Variants in HELZ observed in about 807,000 individuals in gnomAD.
The protein encoded by HELZ is ATP-dependent RNA helicase with zinc finger domain.
HELZ carries 23 observed loss-of-function variants against 218.2 expected under a neutral mutation model. That is an observed-to-expected ratio of 0.11 (90% CI 0.08 to 0.15). HELZ has a LOEUF of 0.15. Among genes scored for constraint, HELZ ranks in the 10% least tolerant of loss-of-function variants. The pLI is 1.00. For synonymous variants in HELZ, 814 were observed against 829.4 expected, an observed-to-expected ratio of 0.98 and a Z score of 0.32; for missense variants, 1,813 against 2,353.7, an observed-to-expected ratio of 0.77 and a Z score of 4.75.
chr17:67,133,804 T>C (rs2038061333), intron 23 of HELZ, among the ~76,000 whole-genome samples: 1 of 152,212 alleles, frequency 6.6e-6, no homozygotes, highest in Admixed American at 6.5e-5. Flanking sequence ...TGTGAGCCAC[T>C]GCGCCTGGCC....
chr17:67,089,983 C>T (rs1184854958), intron 31 of HELZ, among the ~76,000 whole-genome samples: 1 of 152,006 alleles, frequency 6.6e-6, no homozygotes, highest in African/African-American at 2.4e-5. Flanking sequence ...AAATGTCTTG[C>T]CTTATTCCTA....
At chr17:67,113,228 G>T (rs182795889) in intron 28 of HELZ, among the ~76,000 whole-genome samples, 1 of 151,912 alleles carries the variant, frequency 6.6e-6, no homozygotes, top group South Asian at 2.1e-4. Flanking sequence ...ATGAGGAGAA[G>T]GGACAAGGTC....
chr17:67,196,254 CAG>C (rs892768959), intron 7 of HELZ, among the ~76,000 whole-genome samples: 1 of 152,146 alleles, frequency 6.6e-6, no homozygotes, highest in African/African-American at 2.4e-5. Context: ...CCTTCTCCCA[CAG>C]AGGAGTCCAA....
chr17:67,120,763 G>C lies in HELZ; in HGVS notation c.3631-151C>G, dbSNP rs142783631. ...TTTTCTCAAAATAAATAACTACAAA[G>C]TTGATGCTAATACTAACAATTGTGT... On this transcript the variant is annotated intron_variant, in intron 26 of 32. Transcript: ENST00000358691. 1.0e-4 allele frequency: 64 copies of C among 625,804 alleles called. 1 individual carries two copies. The highest frequency in any genetic ancestry group is 1.7e-4 in the Non-Finnish European group (59 of 353,252). 38.8% of individuals were successfully genotyped at this position (625,804 alleles called of 1,614,324 possible).
intron 13 of HELZ, among the ~76,000 whole-genome samples, chr17:67,174,713 G>A (rs1172425865): frequency 8.5e-5 from 13 of 152,078 alleles, no homozygotes; most frequent in Admixed American, 3.3e-4. Context: ...CAGGAGAATC[G>A]CTTGAACCCA....
intron 27 of HELZ, chr17:67,119,973 T>C (rs1341755509): frequency 7.3e-6 from 3 of 410,954 alleles, no homozygotes; most frequent in Non-Finnish European, 1.4e-5. Flanking sequence ...ATAGTTTATA[T>C]GTTAGATTCT....
intron 2 of HELZ, among the ~76,000 whole-genome samples, chr17:67,240,833 G>GT (rs2041298028): frequency 6.6e-6 from 1 of 152,158 alleles, no homozygotes; most frequent in South Asian, 2.1e-4. Context: ...AAACAAGTTG[G>GT]TATGACTGTT....
chr17:67,131,656 T>C (rs1477956529), intron 23 of HELZ, among the ~76,000 whole-genome samples: 1 of 152,162 alleles, frequency 6.6e-6, no homozygotes, highest in Non-Finnish European at 1.5e-5. Flanking sequence ...CTGTGTGACT[T>C]CGTGCAGATT....
rs1242549507 is a variant in HELZ at position 67,149,917 on chromosome 17, C to G, written c.2425G>C (p.Ala809Pro). Residue 809 changes from alanine to proline, a missense_variant, in exon 19 of 33, where the codon GCA becomes CCA. Physicochemically the swap from Ala to Pro is conservative, Grantham distance 27. Coordinates refer to ENST00000358691, the MANE Select transcript of HELZ (RefSeq NM_014877.4). ...AMECETIMPL[A>P]LATQNTRIVL... ...ATCCGAGTGTTTTGAGTTGCTAATG[C>G]TAGAGGCATAATGGTTTCACACTCC... 9.3e-6 allele frequency: 15 copies of G among 1,611,416 alleles called. No individual in the cohort carries two copies. The highest frequency in any genetic ancestry group is 1.3e-5 in the Non-Finnish European group (15 of 1,178,566).
At chr17:67,195,341 T>C (rs1168357635) in intron 8 of HELZ, 78 bp downstream of exon 8, 3 of 850,196 alleles carry the variant, frequency 3.5e-6, no homozygotes, top group Non-Finnish European at 6.0e-6. Flanking sequence ...TGTAACTCAG[T>C]AAATTTTCTC....
At chr17:67,091,247 T>C (rs887501364) in intron 31 of HELZ, among the ~76,000 whole-genome samples, 4 of 151,900 alleles carry the variant, frequency 2.6e-5, no homozygotes, top group Admixed American at 1.3e-4. Flanking sequence ...TGATATCAAA[T>C]AATAATATTC....
At chr17:67,203,146 AAAAG>A (rs1331731049) in intron 6 of HELZ, among the ~76,000 whole-genome samples, 169 bp downstream of exon 6, 1 of 152,150 alleles carries the variant, frequency 6.6e-6, no homozygotes, top group Non-Finnish European at 1.5e-5. Flanking sequence ...ACAAAAAAAG[AAAAG>A]AAAGAAAAGA....
chr17:67,151,273 A>C, intron 17 of HELZ, 49 bp from the exon 18 acceptor site: 2 of 1,413,766 alleles, frequency 1.4e-6, no homozygotes, highest in Non-Finnish European at 2.0e-6. Flanking sequence ...ATTTCTTAAC[A>C]GTATCTAGTT....
chr17:67,245,112 G>A, intron 1 of HELZ, 36 bp downstream of exon 1: 2 of 984,908 alleles, frequency 2.0e-6, no homozygotes, highest in Non-Finnish European at 2.4e-6. Context: ...TCGCGGAGCG[G>A]CCCCAGGAGC....
intron 13 of HELZ, among the ~76,000 whole-genome samples, chr17:67,178,257 T>A (rs994932572): frequency 1.3e-5 from 2 of 152,204 alleles, no homozygotes; most frequent in Non-Finnish European, 2.9e-5. Context: ...AATAATTTCA[T>A]TCCTAAAACA....
intron 12 of HELZ, among the ~76,000 whole-genome samples, chr17:67,185,594 T>A (rs1408009622): frequency 6.6e-6 from 1 of 152,198 alleles, no homozygotes; most frequent in Non-Finnish European, 1.5e-5. Flanking sequence ...GCCTAAAACC[T>A]AGATCTAAGT....
intron 15 of HELZ, among the ~76,000 whole-genome samples, chr17:67,162,484 GAA>G (rs1453572380): frequency 6.6e-6 from 1 of 152,014 alleles, no homozygotes; most frequent in Non-Finnish European, 1.5e-5. Flanking sequence ...TTCTATAAAT[GAA>G]AAAACTGCTT....
At chr17:67,089,988 T>C (rs1018424074) in intron 31 of HELZ, among the ~76,000 whole-genome samples, 1 of 152,088 alleles carries the variant, frequency 6.6e-6, no homozygotes, top group Non-Finnish European at 1.5e-5. Flanking sequence ...TCTTGCCTTA[T>C]TCCTAATCTT....
intron 4 of HELZ, among the ~76,000 whole-genome samples, chr17:67,217,688 T>C (rs745742021): frequency 3.3e-5 from 5 of 152,186 alleles, no homozygotes; most frequent in Non-Finnish European, 5.9e-5. Context: ...GGCATGCTTC[T>C]GCTGCTGGGT....
Sources: gnomAD v4.1 joint callset for allele counts (sites outside exome capture counted in the v4.1 genomes callset) on GRCh38, gnomAD v4.1.1 for gene constraint, MANE v1.5 for transcripts, NCBI Gene and HGNC (gene_info 2026-07-23, HGNC 2026-07-21) for gene names.